Variants in ABCC9 observed in about 807,000 individuals in gnomAD.
The protein encoded by ABCC9 is ATP-binding cassette sub-family C member 9.
ABCC9 carries 95 observed loss-of-function variants against 188.3 expected under a neutral mutation model. The ratio of observed to expected loss-of-function variants is 0.50; its 90% CI spans 0.43 to 0.60. The LOEUF is 0.60. ABCC9 is among the 20% of genes least tolerant of loss of function. The pLI is 0.00. For synonymous variants in ABCC9, 659 were observed against 652.7 expected (o/e 1.01, Z -0.15); for missense variants, 1,102 against 1,876.3 (o/e 0.59, Z 7.62).
intron 21 of ABCC9, among the ~76,000 whole-genome samples, chr12:21,859,975 G>T (rs1455039393): frequency 6.6e-6 from 1 of 151,726 alleles, no homozygotes; most frequent in East Asian, 1.9e-4. Flanking sequence ...ATTTTTTCTT[G>T]TTTACTGAGT....
chr12:21,801,070 C>A lies in ABCC9; in HGVS notation c.4624G>T (p.Ala1542Ser), dbSNP rs147521845. 2 of 1,613,778 alleles carry A rather than the reference C, an allele frequency of 1.2e-6. No homozygotes were observed. The highest frequency in any genetic ancestry group is 1.3e-5 in the African/African-American group (1 of 74,910). ...SLLAQENGVF[A>S]SFVRADM The stretch of plus-strand genomic sequence containing the variant: ...CACATGTCTGCGCGAACAAAAGAAG[C>A]AAATACTCCATTTTCCTGAGCCAAG... Residue 1542 changes from alanine to serine, a missense_variant, in exon 40 of 40, where the codon GCT becomes TCT. Physicochemically the swap from Ala to Ser is moderately conservative, Grantham distance 99 (BLOSUM62 1). Transcript: ENST00000261200.
intron 34 of ABCC9, 67 bp from the exon 35 acceptor site, chr12:21,814,789 T>G (rs1453560371): frequency 7.5e-7 from 1 of 1,330,586 alleles, no homozygotes; most frequent in African/African-American, 1.5e-5. Flanking sequence ...GCTTAAGTTT[T>G]GTTTTTTAAC....
At chr12:21,925,729 G>T (rs1949019104) in intron 5 of ABCC9, among the ~76,000 whole-genome samples, 1 of 151,768 alleles carries the variant, frequency 6.6e-6, no homozygotes, top group Non-Finnish European at 1.5e-5. Context: ...AGATGACCTG[G>T]GGGTAAGGAA....
intron 12 of ABCC9, among the ~76,000 whole-genome samples, chr12:21,904,155 C>T (rs113103415): frequency 8.6e-6 from 1 of 116,444 alleles, no homozygotes; most frequent in Non-Finnish European, 1.7e-5. Flanking sequence ...CTTTGACAAA[C>T]CTGACAAAAA....
At chr12:21,895,374 T>C in intron 12 of ABCC9, 59 bp from the exon 13 acceptor site, 1 of 1,399,246 alleles carries the variant, frequency 7.1e-7, no homozygotes, top group Admixed American at 1.7e-5. Context: ...TTTCAGTAAC[T>C]TTAATCATCT....
chr12:21,935,022 T>C (rs990139423), intron 3 of ABCC9, among the ~76,000 whole-genome samples: 1 of 152,128 alleles, frequency 6.6e-6, no homozygotes, highest in Non-Finnish European at 1.5e-5. Flanking sequence ...GATCCTTCAC[T>C]AATTCAAGCA....
chr12:21,934,924 T>C (rs956370211), intron 3 of ABCC9, among the ~76,000 whole-genome samples: 7 of 152,156 alleles, frequency 4.6e-5, no homozygotes, highest in Non-Finnish European at 7.4e-5. Flanking sequence ...CTAGAACTTA[T>C]GCTGTAAACT....
At chr12:21,871,772 C>G (rs1327091603) in intron 18 of ABCC9, among the ~76,000 whole-genome samples, 1 of 152,122 alleles carries the variant, frequency 6.6e-6, no homozygotes. Flanking sequence ...CAGTAGCAAC[C>G]CAATGCTTCA....
chr12:21,863,317 G>A (rs1255286169), intron 19 of ABCC9, among the ~76,000 whole-genome samples: 1 of 19,548 alleles, frequency 5.1e-5, no homozygotes, highest in African/African-American at 1.5e-4. Flanking sequence ...GTGTTTTATG[G>A]TCTAAACAAC....
Position 21,809,995 on chromosome 12 carries a change from T to C in ABCC9, c.4212-40A>G, listed in dbSNP as rs1310486599. On this transcript the variant is annotated intron_variant, in intron 36 of 39. Coordinates refer to ENST00000261200, the MANE Select transcript of ABCC9 (RefSeq NM_020297.4). Reference sequence around the variant, plus strand: ...TAGTTAATTAGTCAATAAGTGAAAATATAGAAACTTTTATGTATATTTGCT... The same window carrying C: ...TAGTTAATTAGTCAATAAGTGAAAACATAGAAACTTTTATGTATATTTGCT... The C allele has an allele frequency of 3.3e-6, 4 of 1,227,712 alleles. No individual in the cohort carries two copies. In the South Asian group the frequency reaches 3.6e-5, roughly 11 times the overall value. 76.1% of individuals were successfully genotyped at this position (1,227,712 alleles called of 1,614,324 possible).
intron 31 of ABCC9, among the ~76,000 whole-genome samples, chr12:21,821,708 G>C (rs544687940): frequency 6.6e-6 from 1 of 152,186 alleles, no homozygotes; most frequent in African/African-American, 2.4e-5. Context: ...CCACTGTAAA[G>C]AATGACATGG....
Position 21,933,800 on chromosome 12 carries a change from T to C in ABCC9, c.266A>G (p.Glu89Gly), listed in dbSNP as rs199508243. 1.2e-6 allele frequency: 2 copies of C among 1,613,588 alleles called. No homozygotes were observed. The highest frequency in any genetic ancestry group is 1.7e-6 in the Non-Finnish European group (2 of 1,179,604). The change falls in exon 4 of 40, where the codon GAA (glutamate) becomes GGA (glycine). Residue 89 changes from glutamate (E) to glycine (G), a missense_variant. By Grantham distance (98) the Glu-to-Gly change is moderately conservative (BLOSUM62 -2). This residue lies in a region of ABCC9 where 305 missense variants were observed against 573.0 expected (regional missense o/e 0.53). Transcript: ENST00000261200. ...LLFVHVCEIA[E>G]GIVSDSRRES... The stretch of plus-strand genomic sequence containing the variant: ...CACTTACGAGTCTGAAACAATGCCT[T>C]CTGCTATTTCACAGACATGCACAAA...
rs139761932 is a variant in ABCC9 at position 21,897,691 on chromosome 12, G to A, written c.1619-2376C>T. Among the ~76,000 whole-genome samples, 246 of 152,274 alleles carry A rather than the reference G, an allele frequency of 1.6e-3. 1 individual carries two copies. The highest frequency in any genetic ancestry group is 5.4e-3 in the African/African-American group (224 of 41,552). On this transcript the variant is annotated intron_variant, in intron 12 of 39. Coordinates refer to ENST00000261200, the MANE Select transcript of ABCC9 (RefSeq NM_020297.4). ...TGTTCAACTCACCACCAACAAGATT[G>A]TACTGAACAAAATAATAAAACTTGA...
intron 2 of ABCC9, among the ~76,000 whole-genome samples, chr12:21,938,733 A>G (rs1949589414): frequency 6.6e-6 from 1 of 152,198 alleles, no homozygotes; most frequent in Admixed American, 6.5e-5. Flanking sequence ...CTAAAATATA[A>G]CCTGCTGCTT....
At chr12:21,871,726 G>C (rs988754693) in intron 18 of ABCC9, among the ~76,000 whole-genome samples, 4 of 152,126 alleles carry the variant, frequency 2.6e-5, no homozygotes, top group African/African-American at 9.7e-5. Context: ...TGCACTGTAG[G>C]ATGTTAGCAG....
At chr12:21,808,840 T>G (rs1942040093) in intron 37 of ABCC9, among the ~76,000 whole-genome samples, 1 of 151,482 alleles carries the variant, frequency 6.6e-6, no homozygotes, top group Admixed American at 6.6e-5. Flanking sequence ...GTTCTGGAAT[T>G]ATTTTCACAA....
intron 39 of ABCC9, among the ~76,000 whole-genome samples, 178 bp from the exon 40 acceptor site, chr12:21,801,359 A>ATTTTT (rs1941419194): frequency 6.6e-6 from 1 of 152,148 alleles, no homozygotes; most frequent in Non-Finnish European, 1.5e-5. Flanking sequence ...TTATTTACAT[A>ATTTTT]TTTTTAAGCA....
chr12:21,929,448 C>G (rs912855126), intron 4 of ABCC9, among the ~76,000 whole-genome samples: 10 of 151,836 alleles, frequency 6.6e-5, no homozygotes, highest in African/African-American at 2.2e-4. Flanking sequence ...AGAAAAATTA[C>G]TAGCTTTAAA....
At position 21,818,450 on chromosome 12, in the gene ABCC9, C is replaced by T. The variant is rs1273402940; in HGVS notation, c.3670-199G>A. Among the ~76,000 whole-genome samples, 4 of 147,542 alleles carry T rather than the reference C, an allele frequency of 2.7e-5. No individual in the cohort carries two copies. In the East Asian group the frequency reaches 7.9e-4, roughly 29 times the overall value. ...CTGGAATGGAGAGTGAGTCCATGCT[C>T]TCACTATATATATCTATATCTATAT... On this transcript the variant is annotated intron_variant, in intron 31 of 39. Coordinates refer to ENST00000261200, the MANE Select transcript of ABCC9 (RefSeq NM_020297.4).
Sources: allele counts gnomAD v4.1 joint callset (sites outside exome capture counted in the v4.1 genomes callset), GRCh38; gene constraint gnomAD v4.1.1; regional missense constraint gnomAD v4.1.1; transcripts MANE v1.5; gene names NCBI Gene and HGNC (gene_info 2026-07-23, HGNC 2026-07-21).